The following CSMD1 variants were observed in gnomAD, a reference collection of about 807,000 sequenced individuals.
CSMD1 encodes CUB and Sushi multiple domains 1.
A neutral mutation model predicts 417.5 loss-of-function variants in CSMD1; 213 were observed. That is an observed-to-expected ratio of 0.51 (90% CI 0.46 to 0.57). CSMD1 has a LOEUF of 0.57. Among genes scored for constraint, CSMD1 ranks in the 20% least tolerant of loss-of-function variants. The pLI, the probability that CSMD1 is intolerant of heterozygous loss-of-function variation, is 0.00. For synonymous variants in CSMD1, 2,862 were observed against 1,736.8 expected (o/e 1.65, Z -16.11); for missense variants, 6,923 against 4,529.7 (o/e 1.53, Z -15.17).
intron 3 of CSMD1, among the ~76,000 whole-genome samples, chr8:4,119,697 C>G (rs898002196): frequency 6.6e-6 from 1 of 152,184 alleles, no homozygotes; most frequent in African/African-American, 2.4e-5. Context: ...CCCAGAACCA[C>G]AGTGGGCTGG....
intron 6 of CSMD1, among the ~76,000 whole-genome samples, chr8:3,726,245 C>G (rs930481707): frequency 2.6e-5 from 4 of 152,138 alleles, no homozygotes; most frequent in African/African-American, 9.7e-5. Context: ...CCATGAGAGG[C>G]TGGGAAAGAA....
intron 46 of CSMD1, among the ~76,000 whole-genome samples, chr8:3,100,475 G>A (rs1248524906): frequency 1.3e-5 from 2 of 152,228 alleles, no homozygotes; most frequent in Non-Finnish European, 2.9e-5. Context: ...AGCTGAAAGG[G>A]ACCGCAGTGC....
chr8:4,974,985 G>T (rs118175332), intron 1 of CSMD1, among the ~76,000 whole-genome samples: 1 of 152,162 alleles, frequency 6.6e-6, no homozygotes, highest in Non-Finnish European at 1.5e-5. Context: ...ATATATGTTA[G>T]TCTGTGAGAA....
At chr8:4,421,950 G>C (rs1797273029) in intron 2 of CSMD1, among the ~76,000 whole-genome samples, 1 of 151,954 alleles carries the variant, frequency 6.6e-6, no homozygotes, top group Non-Finnish European at 1.5e-5. Flanking sequence ...AAGAGTCACT[G>C]TCATTAAACA....
At chr8:3,524,427 ACATCTG>A (rs968874387) in intron 10 of CSMD1, among the ~76,000 whole-genome samples, 2 of 151,770 alleles carry the variant, frequency 1.3e-5, no homozygotes, top group South Asian at 2.1e-4. Flanking sequence ...ACAACCAGAC[ACATCTG>A]CATCTGCACG....
intron 1 of CSMD1, among the ~76,000 whole-genome samples, chr8:4,749,504 G>A (rs1156675519): frequency 6.6e-6 from 1 of 152,102 alleles, no homozygotes; most frequent in Non-Finnish European, 1.5e-5. Context: ...GATGACTTGT[G>A]GTTAGCACGT....
At chr8:3,406,617 C>G (rs892916039) in intron 14 of CSMD1, among the ~76,000 whole-genome samples, 1 of 152,146 alleles carries the variant, frequency 6.6e-6, no homozygotes, top group Non-Finnish European at 1.5e-5. Flanking sequence ...CTCTGACGCT[C>G]TAAGCCTAGC....
chr8:3,336,643 C>T (rs920050476), intron 23 of CSMD1, among the ~76,000 whole-genome samples: 2 of 152,202 alleles, frequency 1.3e-5, no homozygotes, highest in African/African-American at 4.8e-5. Flanking sequence ...AGAGCATGTA[C>T]TTCATCACAG....
chr8:3,688,913 A>G (rs1800086183), intron 7 of CSMD1, among the ~76,000 whole-genome samples: 1 of 152,206 alleles, frequency 6.6e-6, no homozygotes, highest in Non-Finnish European at 1.5e-5. Flanking sequence ...GCAAACTTAA[A>G]AAGTTAAAAA....
At chr8:4,280,072 G>A (rs865869145) in intron 3 of CSMD1, among the ~76,000 whole-genome samples, 1 of 152,320 alleles carries the variant, frequency 6.6e-6, no homozygotes, top group Non-Finnish European at 1.5e-5. Context: ...GTTAACTAAC[G>A]CGTTGAAAAT....
intron 3 of CSMD1, among the ~76,000 whole-genome samples, chr8:4,419,693 T>C (rs994222223): frequency 6.6e-6 from 1 of 152,188 alleles, no homozygotes; most frequent in African/African-American, 2.4e-5. Flanking sequence ...TCAAAACTTA[T>C]TCGCTACAAA....
chr8:4,264,845 C>G (rs889626465), intron 3 of CSMD1, among the ~76,000 whole-genome samples: 7 of 152,052 alleles, frequency 4.6e-5, no homozygotes, highest in Admixed American at 4.6e-4. Context: ...TAATTTCAAT[C>G]CTAGATGAGT....
intron 3 of CSMD1, among the ~76,000 whole-genome samples, chr8:4,289,916 C>T (rs1449871402): frequency 6.6e-6 from 1 of 152,134 alleles, no homozygotes; most frequent in Admixed American, 6.5e-5. Flanking sequence ...CCTCTGAGTG[C>T]AAGTGAGTAA....
chr8:4,729,026 G>C (rs755744919), intron 1 of CSMD1, among the ~76,000 whole-genome samples: 1 of 152,140 alleles, frequency 6.6e-6, no homozygotes, highest in Non-Finnish European at 1.5e-5. Flanking sequence ...TTAGTATACA[G>C]ACGGAAAGAG....
At position 3,817,252 on chromosome 8, in the gene CSMD1, C is replaced by CTTTTTT. The variant is rs767668610; in HGVS notation, c.819-63216_819-63211dup. Among the ~76,000 whole-genome samples the CTTTTTT allele has an allele frequency of 5.0e-4, 27 of 54,416 alleles. 7 individuals carry two copies. The highest frequency in any genetic ancestry group is 7.9e-4 in the Non-Finnish European group (23 of 29,152). The allele number at this position is 54,416 out of a possible 152,430, so 35.7% of individuals were successfully genotyped here. Reference sequence around the variant, plus strand: ...TCCAAAGTGGTCATATCTTCTTCTTCTTTTTTTTTTTTTTTTTTTTTTTTT... The same window carrying CTTTTTT: ...TCCAAAGTGGTCATATCTTCTTCTTCTTTTTTTTTTTTTTTTTTTTTTTTTTTTTTT... On this transcript the variant is annotated intron_variant, in intron 5 of 69. Transcript: ENST00000635120.
At chr8:3,526,998 T>A (rs766970421) in intron 10 of CSMD1, among the ~76,000 whole-genome samples, 1 of 152,058 alleles carries the variant, frequency 6.6e-6, no homozygotes, top group Non-Finnish European at 1.5e-5. Flanking sequence ...TATATCCTTT[T>A]CTGGTTGCCT....
chr8:4,899,488 C>T (rs1804722633), intron 1 of CSMD1, among the ~76,000 whole-genome samples: 1 of 151,930 alleles, frequency 6.6e-6, no homozygotes, highest in Non-Finnish European at 1.5e-5. Flanking sequence ...AGAAGAAATC[C>T]CAATATGTTA....
intron 2 of CSMD1, among the ~76,000 whole-genome samples, chr8:4,509,065 G>C (rs892797040): frequency 6.6e-6 from 1 of 152,082 alleles, no homozygotes; most frequent in African/African-American, 2.4e-5. Flanking sequence ...AAAGATGATA[G>C]AAGAGGAGAG....
At chr8:3,472,358 A>G (rs28608554) in intron 11 of CSMD1, among the ~76,000 whole-genome samples, 15,379 of 152,024 alleles carry the variant, frequency 0.1, 913 homozygotes, top group African/African-American at 0.16. Context: ...ACACTTCCCA[A>G]TTCTTGGGGA....
Sources: allele counts gnomAD v4.1 joint callset (sites outside exome capture counted in the v4.1 genomes callset), GRCh38; gene constraint gnomAD v4.1.1; transcripts MANE v1.5; gene names NCBI Gene and HGNC (gene_info 2026-07-23, HGNC 2026-07-21).